CEACAM19: variants seen among roughly 807,000 people sequenced by gnomAD.
The protein encoded by CEACAM19 is CEA cell adhesion molecule 19, also known as cell adhesion molecule CEACAM19.
Under a neutral mutation model 37.6 loss-of-function variants are expected in CEACAM19, and 37 were observed. That is an observed-to-expected ratio of 0.98 (90% CI 0.76 to 1.29). The LOEUF (loss-of-function observed/expected upper bound fraction) is 1.29, where lower values mean the gene tolerates loss of function less well. Ranked by LOEUF, CEACAM19 falls within the 50% of genes most tolerant of loss-of-function variation. The pLI, the probability that CEACAM19 is intolerant of heterozygous loss-of-function variation, is 0.00. For synonymous variants in CEACAM19, 140 were observed against 149.8 expected (o/e 0.93, Z 0.48); for missense variants, 340 against 375.6 (o/e 0.91, Z 0.78).
intron 2 of CEACAM19, among the ~76,000 whole-genome samples, chr19:44,675,129 T>TGTGTGC (rs1973925009): frequency 6.6e-6 from 1 of 151,786 alleles, no homozygotes; most frequent in Non-Finnish European, 1.5e-5. Flanking sequence ...TGTGTGTGTG[T>TGTGTGC]GTGTGTGTAT....
intron 1 of CEACAM19, 31 bp downstream of exon 1, chr19:44,672,017 G>T: frequency 6.5e-7 from 1 of 1,541,846 alleles, no homozygotes; most frequent in South Asian, 1.2e-5. Flanking sequence ...AAAGGCCAAG[G>T]GGAGAAATGG....
At chr19:44,668,718 T>A (rs2123783547), upstream of CEACAM19, among the ~76,000 whole-genome samples, 1 of 101,388 alleles carries the variant, frequency 9.9e-6, no homozygotes, top group East Asian at 2.4e-4. Flanking sequence ...TATATTATAA[T>A]ATGTATATAT....
chr19:44,676,242 C>G, intron 2 of CEACAM19, 29 bp from the exon 3 acceptor site: 12 of 1,611,080 alleles, frequency 7.4e-6, no homozygotes, highest in Non-Finnish European at 1.0e-5. Flanking sequence ...CACAGTCCCC[C>G]CTCTCTCTTT....
At position 44,671,808 on chromosome 19, in the gene CEACAM19, C is replaced by T. The variant is rs1036567362; in HGVS notation, c.-124C>T. ...CATGCTGGGGCTGGGCCAGCCCCAG[C>T]GGTGTCTCTAAGGCACCCCTGGGAT... On this transcript the variant is annotated 5_prime_UTR_variant, in exon 1 of 8. Transcript: ENST00000358777. 27 of 726,170 alleles carry T rather than the reference C, an allele frequency of 3.7e-5. 1 individual carries two copies. Among genetic ancestry groups the T allele is most frequent in the African/African-American group, 1.4e-4 (8 of 56,224 alleles). 45.0% of individuals were successfully genotyped at this position (726,170 alleles called of 1,614,324 possible).
upstream of CEACAM19, among the ~76,000 whole-genome samples, chr19:44,666,530 C>T (rs1349143638): frequency 6.6e-6 from 1 of 152,096 alleles, no homozygotes; most frequent in Non-Finnish European, 1.5e-5. Context: ...ATAAGCCGGG[C>T]GTGGTGGCGT....
rs1350756035 is a variant in CEACAM19, at chr19:44,680,354, T to C, written c.706+20T>C. 6 of 1,604,240 alleles carry C rather than the reference T, an allele frequency of 3.7e-6. No individual in the cohort carries two copies. The highest frequency in any genetic ancestry group is 5.1e-6 in the Non-Finnish European group (6 of 1,175,438). Reference sequence around the variant, plus strand: ...ATGCTGGTAAGGCGGGAGCCCCAGATCTCACTACCTAGCCCTCCTCTCAGC... The same window carrying C: ...ATGCTGGTAAGGCGGGAGCCCCAGACCTCACTACCTAGCCCTCCTCTCAGC... On this transcript the variant is annotated intron_variant, in intron 5 of 7. Transcript: ENST00000358777.
At chr19:44,680,969 C>T (rs564197357) in intron 5 of CEACAM19, among the ~76,000 whole-genome samples, 36 of 152,074 alleles carry the variant, frequency 2.4e-4, no homozygotes, top group African/African-American at 7.5e-4. Flanking sequence ...CACCCGCCCC[C>T]AGTCCCCCGA....
upstream of CEACAM19, chr19:44,667,410 T>G (rs569180364): frequency 2.1e-4 from 32 of 150,366 alleles, no homozygotes; most frequent in East Asian, 4.7e-3. Flanking sequence ...CACTGATCAC[T>G]TGAGGCTAGT....
At chr19:44,676,208 T>C (rs1599789243) in intron 2 of CEACAM19, 63 bp from the exon 3 acceptor site, 1 of 1,536,802 alleles carries the variant, frequency 6.5e-7, no homozygotes, top group East Asian at 2.3e-5. Flanking sequence ...GGTGAGGGAC[T>C]GGGGGAGCCC....
upstream of CEACAM19, among the ~76,000 whole-genome samples, chr19:44,670,737 A>T (rs2123784895): frequency 6.7e-6 from 1 of 148,990 alleles, no homozygotes; most frequent in East Asian, 2.0e-4. Flanking sequence ...TGGTAAGACA[A>T]CCAATGTTCA....
At chr19:44,677,432 G>GGAGAGA (rs146217697) in intron 3 of CEACAM19, among the ~76,000 whole-genome samples, 6 of 147,824 alleles carry the variant, frequency 4.1e-5, no homozygotes, top group East Asian at 4.0e-4. Flanking sequence ...CTACTTGTAT[G>GGAGAGA]GAGAGAGAGA....
At chr19:44,667,633 A>T (rs1215695285), upstream of CEACAM19, among the ~76,000 whole-genome samples, 5 of 88,276 alleles carry the variant, frequency 5.7e-5, no homozygotes, top group Non-Finnish European at 1.0e-4. Flanking sequence ...TAAATATATA[A>T]ATATATAATA....
chr19:44,672,911 T>A lies in CEACAM19; in HGVS notation c.371T>A (p.Ile124Asn), dbSNP rs1973883110. 6.4e-7 allele frequency: 1 copy of A among 1,552,966 alleles called. No homozygotes were observed. Among genetic ancestry groups the A allele is most frequent in the Non-Finnish European group, 8.7e-7 (1 of 1,146,162 alleles). Residue 124 changes from isoleucine (I) to asparagine (N), a missense_variant, in exon 2 of 8, where the codon ATT becomes AAT. By Grantham distance (149) the Ile-to-Asn change is moderately radical. Transcript: ENST00000358777. Reference sequence around the variant, plus strand: ...GACAGTGGCACCTACCAAGTAGCCATTACCATCAACTCTGAATGGACTATG... The same window carrying A: ...GACAGTGGCACCTACCAAGTAGCCAATACCATCAACTCTGAATGGACTATG... The part of the protein sequence containing the change: ...PTDSGTYQVA[I>N]TINSEWTMKA...
At chr19:44,666,625 G>A (rs1417641495), upstream of CEACAM19, among the ~76,000 whole-genome samples, 4 of 152,136 alleles carry the variant, frequency 2.6e-5, no homozygotes, top group African/African-American at 9.7e-5. Flanking sequence ...AGCTGAGATC[G>A]TGCCACTGCA....
chr19:44,666,434 C>T (rs557467511), intron 1 of CEACAM19, among the ~76,000 whole-genome samples: 9 of 152,274 alleles, frequency 5.9e-5, no homozygotes, highest in South Asian at 2.1e-4. Flanking sequence ...TTTGGGAGGC[C>T]GAGGTGGATT....
rs149184709 is a variant in CEACAM19 at position 44,683,760 on chromosome 19, G to A, written c.*270G>A. 1,265 of 372,360 alleles carry A rather than the reference G, an allele frequency of 3.4e-3. 13 individuals are homozygous for A. The highest frequency in any genetic ancestry group is 0.022 in the African/African-American group (1,061 of 48,184). The allele number at this position is 372,360 out of a possible 1,614,324, so 23.1% of individuals were successfully genotyped here. A position where few individuals can be genotyped will look rare whatever the true frequency, so the allele number is the denominator to read the frequency against. On this transcript the variant is annotated 3_prime_UTR_variant, in exon 8 of 8. Transcript: ENST00000358777. ...GGCCTGGGCCATGTGCCTGTGAAAG[G>A]CAGGCTCTGGCCCCTTTCCATGCCA...
chr19:44,682,445 G>A (rs1974077662), intron 6 of CEACAM19, 122 bp from the exon 7 acceptor site: 1 of 949,956 alleles, frequency 1.1e-6, no homozygotes, highest in Admixed American at 2.1e-5. Context: ...CTCTGCCCAG[G>A]GGCCTCACAG....
upstream of CEACAM19, chr19:44,671,481 C>G (rs550777658): frequency 4.8e-5 from 19 of 396,670 alleles, no homozygotes; most frequent in Middle Eastern, 6.3e-4. Flanking sequence ...TATTGGCAGA[C>G]TTGCCTCTTT....
In CEACAM19 at chr19:44,681,295, T is replaced by A; in HGVS notation, c.775T>A (p.Ser259Thr). The A allele has an allele frequency of 6.2e-7, 1 of 1,613,636 alleles. No individual in the cohort carries two copies. Among genetic ancestry groups the A allele is most frequent in the Non-Finnish European group, 8.5e-7 (1 of 1,179,740 alleles). Residue 259 changes from serine to threonine, a missense_variant, in exon 6 of 8, where the codon TCC (serine) becomes ACC (threonine). Ser to Thr is a moderately conservative substitution (Grantham distance 58). Coordinates refer to ENST00000358777, the MANE Select transcript of CEACAM19 (RefSeq NM_001127893.3). ...GGTGTCCCCCATCAGTGACACAAGGTCCATAAACCCAGCCCGGGTGAGTCC... is the reference window on the plus strand; with the variant it reads ...GGTGTCCCCCATCAGTGACACAAGGACCATAAACCCAGCCCGGGTGAGTCC... ...LLVSPISDTR[S>T]INPARPLPTP... is the part of the protein sequence containing the mutation.
Sources: allele counts gnomAD v4.1 joint callset (sites outside exome capture counted in the v4.1 genomes callset), GRCh38; gene constraint gnomAD v4.1.1; transcripts MANE v1.5; gene names NCBI Gene and HGNC (gene_info 2026-07-23, HGNC 2026-07-21).